The following CASK variants were observed in gnomAD, a reference collection of about 807,000 sequenced individuals.
The protein encoded by CASK is peripheral plasma membrane protein CASK.
CASK carries 4 observed loss-of-function variants against 82.9 expected under a neutral mutation model. The ratio of observed to expected loss-of-function variants is 0.05; its 90% CI spans 0.02 to 0.11. The LOEUF (loss-of-function observed/expected upper bound fraction) is 0.11, where lower values mean the gene tolerates loss of function less well. Among genes scored for constraint, CASK ranks in the 10% least tolerant of loss-of-function variants. The pLI, the probability that CASK is intolerant of heterozygous loss-of-function variation, is 1.00. For synonymous variants in CASK, 259 were observed against 253.5 expected (o/e 1.02, Z -0.20); for missense variants, 358 against 720.9 (o/e 0.50, Z 5.76).
At chrX:41,891,936 TC>T (rs1475228202) in intron 1 of CASK, among the ~76,000 whole-genome samples, 2 of 111,954 alleles carry the variant, frequency 1.8e-5, no homozygotes, top group Non-Finnish European at 3.8e-5. Context: ...ATGCCTGTAA[TC>T]CCAGCACTTT....
intron 12 of CASK, among the ~76,000 whole-genome samples, chrX:41,603,387 T>C (rs374584449): frequency 5.4e-5 from 6 of 111,743 alleles, no homozygotes; most frequent in African/African-American, 1.9e-4. Flanking sequence ...AAAAGCGAAA[T>C]AGTAAATCAA....
chrX:41,606,704 T>C (rs1369392446), intron 12 of CASK, among the ~76,000 whole-genome samples: 9 of 110,044 alleles, frequency 8.2e-5, no homozygotes, highest in Non-Finnish European at 1.7e-4. Context: ...CCTTTTTTTT[T>C]TTTTTAGAGA....
intron 1 of CASK, among the ~76,000 whole-genome samples, chrX:41,861,354 A>T (rs868336039): frequency 9.9e-5 from 11 of 110,890 alleles, no homozygotes; most frequent in South Asian, 3.8e-4. Context: ...GATGGAGGAT[A>T]TATCAAGAAC....
chrX:41,872,743 C>T (rs1233670596), intron 1 of CASK, among the ~76,000 whole-genome samples: 2 of 110,208 alleles, frequency 1.8e-5, no homozygotes, highest in African/African-American at 6.6e-5. Flanking sequence ...TAGTTTTTAC[C>T]TAAATGCCCT....
intron 25 of CASK, among the ~76,000 whole-genome samples, chrX:41,528,989 C>T (rs1042221922): frequency 1.8e-5 from 2 of 112,355 alleles, no homozygotes; most frequent in Non-Finnish European, 3.8e-5. Context: ...CGCAGGAGGG[C>T]CTGGGACCAG....
intron 5 of CASK, among the ~76,000 whole-genome samples, chrX:41,695,199 A>C (rs929602955): frequency 3.6e-5 from 4 of 112,118 alleles, no homozygotes; most frequent in African/African-American, 1.3e-4. Flanking sequence ...TCCATGAGAT[A>C]CCACACTATG....
At position 41,898,581 on chromosome X, in the gene CASK, A is replaced by C. The variant is rs751083686; in HGVS notation, c.59+24349T>G. On this transcript the variant is annotated intron_variant, in intron 1 of 26. Coordinates refer to ENST00000378163, the MANE Select transcript of CASK (RefSeq NM_001367721.1). ...TCATGTATTGCTATTTATCATTATA[A>C]GCTTCTCTCTTCGAACTGCTTTCAT... is the stretch of plus-strand genomic sequence containing the variant. 3.6e-5 allele frequency among the ~76,000 whole-genome samples: 4 copies of C among 111,631 alleles called. No individual in the cohort carries two copies. The South Asian group carries it at 1.5e-3, about 41-fold the overall frequency.
At chrX:41,888,696 T>C (rs775653756) in intron 1 of CASK, among the ~76,000 whole-genome samples, 12 of 105,661 alleles carry the variant, frequency 1.1e-4, no homozygotes, top group African/African-American at 4.1e-4. Flanking sequence ...TATATGTATA[T>C]ATATACGTAT....
chrX:41,570,015 T>C lies in CASK; in HGVS notation c.1504-269A>G, dbSNP rs765674652. ...TTTCTTTTCTTTTCTTTTTTCTTTT[T>C]TTTTTTTTTTTTTTTGAGACTCTGT... On this transcript the variant is annotated intron_variant, in intron 15 of 26. Transcript: ENST00000378163. Among the ~76,000 whole-genome samples, 888 of 92,170 alleles carry C rather than the reference T, an allele frequency of 9.6e-3. 8 individuals are homozygous for C. Among genetic ancestry groups the C allele is most frequent in the African/African-American group, 0.033 (829 of 25,018 alleles). 80.0% of individuals were successfully genotyped at this position (92,170 alleles called of 115,157 possible).
In CASK at chrX:41,601,608, G is replaced by A. The variant is rs758852296; in HGVS notation, c.1155+8296C>T. ...GTGTAATGGCCCTGTGAAATCTAGT[G>A]GGATGATAGTAAATTTATATAGTTG... is the stretch of plus-strand genomic sequence containing the variant. On this transcript the variant is annotated intron_variant, in intron 12 of 26. Transcript: ENST00000378163. Among the ~76,000 whole-genome samples, 13 of 111,351 alleles carry A rather than the reference G, an allele frequency of 1.2e-4. No individual in the cohort carries two copies. The East Asian group carries it at 3.6e-3, about 31-fold the overall frequency.
intron 1 of CASK, among the ~76,000 whole-genome samples, chrX:41,872,674 A>G (rs2071726371): frequency 8.9e-6 from 1 of 111,794 alleles, no homozygotes. Flanking sequence ...TGTAATAATT[A>G]ATGGACCAAT....
intron 2 of CASK, among the ~76,000 whole-genome samples, chrX:41,792,043 TA>T (rs948617466): frequency 9.0e-6 from 1 of 111,479 alleles, no homozygotes; most frequent in African/African-American, 3.3e-5. Context: ...ATTATTTTCC[TA>T]AAAAGTTTGG....
At position 41,829,734 on chromosome X, in the gene CASK, T is replaced by TATATATAC. The variant is rs1569461980; in HGVS notation, c.172+23380_172+23381insGTATATAT. Among the ~76,000 whole-genome samples the TATATATAC allele has an allele frequency of 3.3e-3, 99 of 29,665 alleles. 7 individuals carry two copies. The highest frequency in any genetic ancestry group is 0.021 in the Middle Eastern group (1 of 47). The allele number at this position is 29,665 out of a possible 115,157, so 25.8% of individuals were successfully genotyped here. On this transcript the variant is annotated intron_variant, in intron 2 of 26. Transcript: ENST00000378163. ...ATATATATATATATATATATATATA[T>TATATATAC]ATATATATATATATATATATATGTC...
At chrX:41,787,356 G>T in intron 2 of CASK, 73 bp from the exon 3 acceptor site, 1 of 620,583 alleles carries the variant, frequency 1.6e-6, no homozygotes, top group Non-Finnish European at 2.8e-6. Context: ...TGAATGAATG[G>T]ATGTGATCTA....
At chrX:41,649,027 C>T (rs1376994192) in intron 8 of CASK, among the ~76,000 whole-genome samples, 2 of 111,566 alleles carry the variant, frequency 1.8e-5, no homozygotes, top group Non-Finnish European at 3.8e-5. Flanking sequence ...TCTAGATTTT[C>T]TAGTTTATTT....
intron 12 of CASK, among the ~76,000 whole-genome samples, chrX:41,590,367 G>A (rs1373239579): frequency 2.8e-5 from 3 of 108,193 alleles, no homozygotes; most frequent in African/African-American, 6.7e-5. Flanking sequence ...AAAATTTGCC[G>A]GGCATAGTGG....
At chrX:41,821,744 C>T (rs1346330981) in intron 2 of CASK, among the ~76,000 whole-genome samples, 1 of 112,382 alleles carries the variant, frequency 8.9e-6, no homozygotes, top group Non-Finnish European at 1.9e-5. Context: ...GGGGATGAAT[C>T]TCAATACCAT....
chrX:41,717,515 G>A (rs1195642556), intron 5 of CASK, among the ~76,000 whole-genome samples: 2 of 111,911 alleles, frequency 1.8e-5, no homozygotes, highest in African/African-American at 6.5e-5. Flanking sequence ...AAGAATAAAT[G>A]GGTTATGAAA....
intron 1 of CASK, among the ~76,000 whole-genome samples, chrX:41,880,574 T>C (rs1381236490): frequency 1.8e-5 from 2 of 111,530 alleles, no homozygotes; most frequent in Non-Finnish European, 3.8e-5. Context: ...GCCTCACCAT[T>C]GGAATATACC....
Sources: gnomAD v4.1 joint callset for allele counts (sites outside exome capture counted in the v4.1 genomes callset) on GRCh38, gnomAD v4.1.1 for gene constraint, MANE v1.5 for transcripts, NCBI Gene and HGNC (gene_info 2026-07-23, HGNC 2026-07-21) for gene names.